Variants in TULP4 observed in about 807,000 individuals in gnomAD.
The protein encoded by TULP4 is TUB like protein 4.
In TULP4, 16 loss-of-function variants were observed where a neutral mutation model predicts 129.0. The observed-to-expected ratio is 0.12, with a 90% CI of 0.08 to 0.19. TULP4 has a LOEUF of 0.19. TULP4 is among the 10% of genes least tolerant of loss of function. The pLI is 1.00. For missense variants in TULP4, 1,842 were observed against 2,059.1 expected (o/e 0.89, Z 2.04); for synonymous variants, 998 against 854.0 (o/e 1.17, Z -2.94).
chr6:158,381,060 CTGAAGGTGGGTGGGT>C, intron 1 of TULP4, among the ~76,000 whole-genome samples: 1 of 151,820 alleles, frequency 6.6e-6, no homozygotes, highest in East Asian at 1.9e-4. Context: ...GCAAGGCTTC[CTGAAGGTGGGTGGGT>C]TGTAATTTAT....
intron 1 of TULP4, among the ~76,000 whole-genome samples, chr6:158,327,702 C>T (rs1246091662): frequency 6.6e-6 from 1 of 151,254 alleles, no homozygotes; most frequent in Non-Finnish European, 1.5e-5. Flanking sequence ...ATTAGATCTG[C>T]TTTTTTTGAG....
intron 6 of TULP4, among the ~76,000 whole-genome samples, chr6:158,477,615 T>C (rs1316868488): frequency 6.6e-6 from 1 of 152,130 alleles, no homozygotes; most frequent in Non-Finnish European, 1.5e-5. Context: ...CAAAGAATAA[T>C]AGATGTCGGC....
At chr6:158,429,963 G>C in intron 3 of TULP4, 66 bp downstream of exon 3, 1 of 1,464,016 alleles carries the variant, frequency 6.8e-7, no homozygotes, top group Non-Finnish European at 9.2e-7. Flanking sequence ...GGAAGAAAGG[G>C]GCAGGAGAGG....
At chr6:158,300,749 C>T (rs755767786) in intron 1 of TULP4, among the ~76,000 whole-genome samples, 4 of 152,238 alleles carry the variant, frequency 2.6e-5, no homozygotes, top group Non-Finnish European at 4.4e-5. Flanking sequence ...AAGGAGCTAA[C>T]ATGAGTCACA....
At chr6:158,435,395 C>T (rs926789463) in intron 3 of TULP4, among the ~76,000 whole-genome samples, 6 of 152,152 alleles carry the variant, frequency 3.9e-5, no homozygotes, top group South Asian at 2.1e-4. Flanking sequence ...ATCCTCTGCT[C>T]GGCTACCTTG....
At chr6:158,266,615 T>C (rs571494119) in intron 1 of TULP4, among the ~76,000 whole-genome samples, 2 of 152,300 alleles carry the variant, frequency 1.3e-5, no homozygotes, top group East Asian at 3.9e-4. Flanking sequence ...CCGCAGGTTC[T>C]GCATGTGAGG....
At chr6:158,338,063 C>T (rs1019528757) in intron 1 of TULP4, among the ~76,000 whole-genome samples, 1 of 152,190 alleles carries the variant, frequency 6.6e-6, no homozygotes, top group African/African-American at 2.4e-5. Context: ...GGCCATGAAA[C>T]AGTCAAGTTA....
chr6:158,250,616 G>A (rs1373140334), intron 1 of TULP4, among the ~76,000 whole-genome samples: 1 of 152,182 alleles, frequency 6.6e-6, no homozygotes, highest in Non-Finnish European at 1.5e-5. Context: ...AGAGCCTTGG[G>A]ATACCACATT....
rs151253671 is a variant in TULP4, at chr6:158,502,111, C to A, written c.2448C>A (p.Asp816Glu). 1.9e-6 allele frequency: 3 copies of A among 1,609,792 alleles called. No homozygotes were observed. The highest frequency in any genetic ancestry group is 2.5e-6 in the Non-Finnish European group (3 of 1,177,896). ...RPTPQLAAEG[D>E]AVVFSAPQEV... ...CACCGCAGCTGGCAGCTGAGGGGGA[C>A]GCAGTGGTCTTTAGTGCCCCCCAGG... is the stretch of plus-strand genomic sequence containing the variant. The change falls in exon 13 of 14, where the codon GAC (aspartate) becomes GAA (glutamate). Residue 816 changes from aspartate to glutamate, a missense_variant. Transcript: ENST00000367097.
intron 1 of TULP4, among the ~76,000 whole-genome samples, chr6:158,393,278 T>G (rs1174843135): frequency 6.6e-6 from 1 of 152,190 alleles, no homozygotes; most frequent in East Asian, 1.9e-4. Context: ...CATGGCTGCT[T>G]TCATGGACTG....
At position 158,503,638 on chromosome 6, in the gene TULP4, A is replaced by G. The variant is rs1308851103; in HGVS notation, c.3975A>G (p.Pro1325=). The G allele has an allele frequency of 6.2e-7, 1 of 1,614,128 alleles. No homozygotes were observed. The highest frequency in any genetic ancestry group is 1.3e-5 in the African/African-American group (1 of 75,052). Residue 1325 remains proline (P), a synonymous_variant, in exon 13 of 14, where the codon CCA becomes CCG. Coordinates refer to ENST00000367097, the MANE Select transcript of TULP4 (RefSeq NM_020245.5). The surrounding 1 kb of genome is among the most constrained non-coding windows in gnomAD (Gnocchi z 4.3). ...AAGTCCTCTCCCTGACCGAAAGCCCAGTCCCCCAGCGGACAGAAAAATTTG... is the reference window on the plus strand; with the variant it reads ...AAGTCCTCTCCCTGACCGAAAGCCCGGTCCCCCAGCGGACAGAAAAATTTG... ...FQEVLSLTES[P]VPQRTEKFGK...
intron 1 of TULP4, among the ~76,000 whole-genome samples, chr6:158,389,904 A>G (rs569473903): frequency 6.3e-4 from 96 of 152,290 alleles, no homozygotes; most frequent in African/African-American, 2.1e-3. Flanking sequence ...TGAGGTCAGG[A>G]GTTCAAGACC....
At position 158,483,427 on chromosome 6, in the gene TULP4, G is replaced by C. The variant is rs1456793281; in HGVS notation, c.1486+2138G>C. 2.0e-5 allele frequency among the ~76,000 whole-genome samples: 3 copies of C among 152,154 alleles called. No individual in the cohort carries two copies. In the East Asian group the frequency reaches 5.8e-4, roughly 29 times the overall value. On this transcript the variant is annotated intron_variant, in intron 8 of 13. Transcript: ENST00000367097. ...AGCTCACTACAGCCTTGACCTCCCAGGTTCAAGCGATCCTCCCACCTCAGC... is the reference window on the plus strand; with the variant it reads ...AGCTCACTACAGCCTTGACCTCCCACGTTCAAGCGATCCTCCCACCTCAGC...
intron 8 of TULP4, among the ~76,000 whole-genome samples, chr6:158,486,720 A>G (rs1159735189): frequency 6.6e-6 from 1 of 152,182 alleles, no homozygotes; most frequent in Non-Finnish European, 1.5e-5. Context: ...GGAGCCACCC[A>G]AGTCTGTGGT....
In TULP4 at chr6:158,313,709, T is replaced by G; in HGVS notation, c.-308T>G. On this transcript the variant is annotated 5_prime_UTR_variant, in exon 1 of 14. Coordinates refer to ENST00000367097, the MANE Select transcript of TULP4 (RefSeq NM_020245.5). ...TTGATCACCACTTAATTAACGATGC[T>G]CTTTCTCCAAAGGATCAGCACGTTC... 1 of 470,202 alleles carries G rather than the reference T, an allele frequency of 2.1e-6. No individual in the cohort carries two copies. The highest frequency in any genetic ancestry group is 3.7e-6 in the Non-Finnish European group (1 of 269,622). The allele number at this position is 470,202 out of a possible 1,614,324, so 29.1% of individuals were successfully genotyped here.
chr6:158,450,317 G>A (rs1311341364), intron 4 of TULP4, among the ~76,000 whole-genome samples: 1 of 152,224 alleles, frequency 6.6e-6, no homozygotes, highest in Non-Finnish European at 1.5e-5. Context: ...CCTGTGAAGG[G>A]CTGTTCCGGG....
Position 158,357,521 on chromosome 6 carries a change from G to T in TULP4, c.252+43253G>T, listed in dbSNP as rs570734420. Among the ~76,000 whole-genome samples, 7 of 152,358 alleles carry T rather than the reference G, an allele frequency of 4.6e-5. No homozygotes were observed. In the East Asian group the frequency reaches 1.2e-3, roughly 25 times the overall value. On this transcript the variant is annotated intron_variant, in intron 1 of 13. Coordinates refer to ENST00000367097, the MANE Select transcript of TULP4 (RefSeq NM_020245.5). ...TAAAAATGACTATAGTAAGCCAGCA[G>T]CCCTGCGGCGGCCAGCAATTCCATT...
In TULP4 at chr6:158,243,970, C is replaced by T. The variant is rs145771160; in HGVS notation, n.68+11667C>T. Among the ~76,000 whole-genome samples the T allele has an allele frequency of 1.8e-3, 280 of 151,994 alleles. 1 individual carries two copies. Among genetic ancestry groups the T allele is most frequent in the African/African-American group, 5.9e-3 (245 of 41,418 alleles). The stretch of plus-strand genomic sequence containing the variant: ...GTTTGAAAAGTGTCTGATTATTTCC[C>T]TTGATTTACCAGTTTTCAAAGTTAT... On this transcript the variant is annotated intron_variant and non_coding_transcript_variant, in intron 1 of 1. Coordinates refer to the TULP4 transcript ENST00000620026.
chr6:158,497,045 A>C (rs1249688234), intron 11 of TULP4, among the ~76,000 whole-genome samples: 1 of 152,132 alleles, frequency 6.6e-6, no homozygotes, highest in Non-Finnish European at 1.5e-5. Flanking sequence ...TTGAGATAGG[A>C]CTTCACTATT....
Sources: allele counts gnomAD v4.1 joint callset (sites outside exome capture counted in the v4.1 genomes callset), GRCh38; gene constraint gnomAD v4.1.1; non-coding constraint Gnocchi (gnomAD v3.1); transcripts MANE v1.5; gene names NCBI Gene and HGNC (gene_info 2026-07-23, HGNC 2026-07-21).